MLC1: variants seen among roughly 807,000 people sequenced by gnomAD.
MLC1 encodes the protein membrane protein MLC1.
Under a neutral mutation model 44.7 loss-of-function variants are expected in MLC1, and 32 were observed. The observed-to-expected ratio is 0.72, with a 90% CI of 0.54 to 0.96. The LOEUF (loss-of-function observed/expected upper bound fraction) is 0.96. Among genes scored for constraint, MLC1 ranks in the 40% least tolerant of loss-of-function variants. The pLI is 0.00. For missense variants in MLC1, 459 were observed against 492.2 expected, an observed-to-expected ratio of 0.93 and a Z score of 0.64; for synonymous variants, 190 against 213.0, an observed-to-expected ratio of 0.89 and a Z score of 0.94.
At chr22:50,085,180 G>A in intron 1 of MLC1, 175 bp downstream of exon 1, 1 of 1,320,366 alleles carries the variant, frequency 7.6e-7, no homozygotes, top group Non-Finnish European at 9.7e-7. Context: ...CACTTTAAAT[G>A]CCTCATTGAT....
chr22:50,072,714 C>A (rs971269511), intron 8 of MLC1: 2 of 152,320 alleles, frequency 1.3e-5, no homozygotes, highest in African/African-American at 2.4e-5. Flanking sequence ...GTAATCCCTG[C>A]GTTTCAGACC....
intron 2 of MLC1, 143 bp downstream of exon 2, chr22:50,084,583 T>C: frequency 2.2e-6 from 2 of 912,542 alleles, no homozygotes; most frequent in Non-Finnish European, 3.6e-6. Flanking sequence ...AACAAGCTCG[T>C]CGGCATCCAA....
At chr22:50,081,527 G>A (rs2062141508) in intron 3 of MLC1, among the ~76,000 whole-genome samples, 1 of 152,256 alleles carries the variant, frequency 6.6e-6, no homozygotes, top group Non-Finnish European at 1.5e-5. Context: ...GGGACGTCAG[G>A]GACAGGGAGG....
At chr22:50,084,588 A>T in intron 2 of MLC1, 138 bp downstream of exon 2, 1 of 951,276 alleles carries the variant, frequency 1.1e-6, no homozygotes, top group Non-Finnish European at 1.7e-6. Flanking sequence ...GCTCGTCGGC[A>T]TCCAAGAGTT....
At position 50,061,868 on chromosome 22, in the gene MLC1, C is replaced by T. The variant is rs190746868; in HGVS notation, c.1060-211G>A. Among the ~76,000 whole-genome samples the T allele has an allele frequency of 1.1e-4, 17 of 152,330 alleles. No homozygotes were observed. In the East Asian group the frequency reaches 2.5e-3, roughly 22 times the overall value. On this transcript the variant is annotated intron_variant, in intron 11 of 11. Transcript: ENST00000311597. Reference sequence around the variant, plus strand: ...TCCCAGAAACGCCTGCATCCCCCCCCGCACACACGGTTTCTACCGAGCCTG... The same window carrying T: ...TCCCAGAAACGCCTGCATCCCCCCCTGCACACACGGTTTCTACCGAGCCTG...
chr22:50,070,625 G>A (rs375677886), intron 8 of MLC1, 42 bp from the exon 9 acceptor site: 871 of 1,536,262 alleles, frequency 5.7e-4, no homozygotes, highest in Non-Finnish European at 7.2e-4. Context: ...GGAAATAGTC[G>A]AAGAAGTCGA....
At chr22:50,080,110 A>C (rs1290676256) in intron 4 of MLC1, 91 bp from the exon 5 acceptor site, 3 of 1,116,330 alleles carry the variant, frequency 2.7e-6, no homozygotes, top group Non-Finnish European at 4.0e-6. Context: ...TTCACTAAAA[A>C]TTATCCTGAT....
chr22:50,080,364 A>C lies in MLC1; in HGVS notation c.301T>G (p.Ser101Ala). 6.2e-7 allele frequency: 1 copy of C among 1,608,152 alleles called. No individual in the cohort carries two copies. Residue 101 changes from serine to alanine, a missense_variant, in exon 4 of 12, where the codon TCC becomes GCC. Ser to Ala is a moderately conservative substitution (Grantham distance 99). Coordinates refer to ENST00000311597, the MANE Select transcript of MLC1 (RefSeq NM_015166.4). ...IPSAIVSFTV[S>A]RRNANVIPNF... ...CTCACCACATTGGCGTTCCTCCTGG[A>C]GACGGTGAAGCTCACAATTGCCGAG...
chr22:50,079,663 G>C (rs1392134193), intron 5 of MLC1, among the ~76,000 whole-genome samples: 1 of 151,852 alleles, frequency 6.6e-6, no homozygotes, highest in Non-Finnish European at 1.5e-5. Flanking sequence ...ATGAAACATA[G>C]TATTATGTCA....
intron 11 of MLC1, 27 bp downstream of exon 11, chr22:50,064,007 T>A: frequency 7.7e-7 from 1 of 1,304,640 alleles, no homozygotes; most frequent in Non-Finnish European, 1.0e-6. Context: ...ACCTCCCCAG[T>A]GCCCCCTCCC....
rs892362158 is a variant in MLC1, at chr22:50,083,945, C to T, written c.178-772G>A. On this transcript the variant is annotated intron_variant, in intron 2 of 11. Coordinates refer to ENST00000311597, the MANE Select transcript of MLC1 (RefSeq NM_015166.4). The surrounding 1 kb of genome is among the most constrained non-coding windows in gnomAD (Gnocchi z 4.6). The stretch of plus-strand genomic sequence containing the variant: ...ACCCGGGAGCCGCCTCTGTCCCCAG[C>T]TCCGAGGCAGACGCCTGTCTTGGTG... 6.6e-6 allele frequency among the ~76,000 whole-genome samples: 1 copy of T among 152,130 alleles called. No individual in the cohort carries two copies. Among genetic ancestry groups the T allele is most frequent in the African/African-American group, 2.4e-5 (1 of 41,424 alleles).
chr22:50,081,028 A>AGAAAGAAAGAAAGAAAGAAG (rs2062117651), intron 3 of MLC1, among the ~76,000 whole-genome samples: 2 of 146,158 alleles, frequency 1.4e-5, no homozygotes, highest in East Asian at 3.9e-4. Context: ...AAAGAAAGAA[A>AGAAAGAAAGAAAGAAAGAAG]GAAAGAAAGA....
rs2146905135 is a variant in MLC1, at chr22:50,080,005, CT to C, written c.335del (p.Gln112ArgfsTer10). 1 of 1,613,854 alleles carries C rather than the reference CT, an allele frequency of 6.2e-7. No homozygotes were observed. Among genetic ancestry groups the C allele is most frequent in the Non-Finnish European group, 8.5e-7 (1 of 1,179,694 alleles). On this transcript the variant is annotated frameshift_variant, in exon 5 of 12. Transcript: ENST00000311597. LOFTEE classifies it high-confidence loss of function. ...RRNANVIPNF[Q>X]ILFVSTFAVT... ...CAGCAAACGTGGAAACAAACAATAT[CT>C]GAAAGTTGGGAATCTGAAAAACAAG... is the stretch of plus-strand genomic sequence containing the variant.
At chr22:50,064,698 C>A (rs1464711493) in intron 10 of MLC1, among the ~76,000 whole-genome samples, 4 of 152,128 alleles carry the variant, frequency 2.6e-5, no homozygotes, top group Admixed American at 1.3e-4. Flanking sequence ...CAGGAGGCAG[C>A]GCGGTGAGCT....
At chr22:50,081,022 A>AAAGAAAGAAAGAAAGAAAG (rs2062116531) in intron 3 of MLC1, among the ~76,000 whole-genome samples, 1 of 141,206 alleles carries the variant, frequency 7.1e-6, no homozygotes, top group Non-Finnish European at 1.5e-5. Flanking sequence ...AGAAAGAAAG[A>AAAGAAAGAAAGAAAGAAAG]AAGAAAGAAA....
chr22:50,071,734 C>T (rs553457705), intron 8 of MLC1, among the ~76,000 whole-genome samples: 1 of 152,314 alleles, frequency 6.6e-6, no homozygotes, highest in African/African-American at 2.4e-5. Context: ...TTTTTATAAC[C>T]AAGAAATGCC....
At chr22:50,073,754 A>G (rs1199039442) in intron 8 of MLC1, among the ~76,000 whole-genome samples, 2 of 152,064 alleles carry the variant, frequency 1.3e-5, no homozygotes, top group Non-Finnish European at 2.9e-5. Flanking sequence ...AAATAAATAA[A>G]ATAAATAAAA....
chr22:50,080,353 G>A lies in MLC1; in HGVS notation c.312C>T (p.Asn104=), dbSNP rs763564142. Residue 104 remains asparagine (N), a synonymous_variant, in exon 4 of 12, where the codon AAC becomes AAT. Transcript: ENST00000311597. ...AIVSFTVSRR[N]ANVIPNFQIL... ...TGCAAGCTAGACTCACCACATTGGC[G>A]TTCCTCCTGGAGACGGTGAAGCTCA... is the stretch of plus-strand genomic sequence containing the variant. The A allele has an allele frequency of 6.2e-6, 10 of 1,607,690 alleles. No individual in the cohort carries two copies. Among genetic ancestry groups the A allele is most frequent in the Non-Finnish European group, 8.5e-6 (10 of 1,177,088 alleles).
chr22:50,085,527 G>A (rs1205040439), upstream of MLC1: 7 of 163,296 alleles, frequency 4.3e-5, no homozygotes, highest in Admixed American at 1.7e-4. Flanking sequence ...GAAATGTTTC[G>A]TGTTGGTTGT....
Sources: allele counts gnomAD v4.1 joint callset (sites outside exome capture counted in the v4.1 genomes callset), GRCh38; gene constraint gnomAD v4.1.1; non-coding constraint Gnocchi (gnomAD v3.1); transcripts MANE v1.5; gene names NCBI Gene and HGNC (gene_info 2026-07-23, HGNC 2026-07-21).